DNM2: variants seen among roughly 807,000 people sequenced by gnomAD.
The protein encoded by DNM2 is dynamin 2.
Under a neutral mutation model 99.0 loss-of-function variants are expected in DNM2, and 15 were observed. The ratio of observed to expected loss-of-function variants is 0.15; its 90% confidence interval spans 0.10 to 0.23. The LOEUF (loss-of-function observed/expected upper bound fraction) is 0.23. Among genes scored for constraint, DNM2 ranks in the 10% least tolerant of loss-of-function variants. The pLI, the probability that DNM2 is intolerant of heterozygous loss-of-function variation, is 1.00. For missense variants in DNM2, 742 were observed against 1,189.4 expected, an observed-to-expected ratio of 0.62 and a Z score of 5.53; for synonymous variants, 525 against 481.2, an observed-to-expected ratio of 1.09 and a Z score of -1.19.
chr19:10,827,448 C>T (rs796642566), intron 18 of DNM2, among the ~76,000 whole-genome samples: 3 of 151,932 alleles, frequency 2.0e-5, no homozygotes, highest in African/African-American at 2.4e-5. Flanking sequence ...ATAAATCTGT[C>T]GGCCCAGCTA....
intron 1 of DNM2, among the ~76,000 whole-genome samples, chr19:10,739,305 C>G (rs778786252): frequency 2.0e-5 from 3 of 152,132 alleles, no homozygotes; most frequent in African/African-American, 4.8e-5. Flanking sequence ...ATACCTAATC[C>G]TTTTGAAATA....
rs2072855235 is a variant in DNM2 at position 10,818,557 on chromosome 19, G to A, written c.1672-1423G>A. Among the ~76,000 whole-genome samples the A allele has an allele frequency of 1.3e-5, 2 of 152,240 alleles. No homozygotes were observed. The highest frequency in any genetic ancestry group is 1.3e-4 in the Admixed American group (2 of 15,284). ...TGAGCTCCTAACGCCCTGAGGCTGA[G>A]CCCATGTGCCAAGCCCACTGCTTCA... On this transcript the variant is annotated intron_variant, in intron 15 of 20. Transcript: ENST00000389253. The surrounding 1 kb of genome is among the most constrained non-coding windows in gnomAD (Gnocchi z 4.3).
rs569315125 is a variant in DNM2 at position 10,777,231 on chromosome 19, G to C, written c.688+15G>C. The C allele has an allele frequency of 5.6e-6, 9 of 1,613,700 alleles. No individual in the cohort carries two copies. The South Asian group carries it at 8.8e-5, about 16-fold the overall frequency. On this transcript the variant is annotated intron_variant, in intron 5 of 20. Transcript: ENST00000389253. ...GTTGAGAAGAGGTGTGGCTTTGGGG[G>C]TGCTGGGGAAGCAGGAGGATGGGTG...
At chr19:10,827,304 T>C (rs1249280050) in intron 18 of DNM2, among the ~76,000 whole-genome samples, 1 of 152,204 alleles carries the variant, frequency 6.6e-6, no homozygotes, top group African/African-American at 2.4e-5. Flanking sequence ...AGAGAGACAA[T>C]TGCCCACGTG....
At chr19:10,761,558 G>A (rs1349469501) in intron 2 of DNM2, among the ~76,000 whole-genome samples, 1 of 152,092 alleles carries the variant, frequency 6.6e-6, no homozygotes, top group Non-Finnish European at 1.5e-5. Context: ...AGCTCTGGGC[G>A]TTCAACACTC....
At chr19:10,777,974 G>C (rs950672086) in intron 5 of DNM2, among the ~76,000 whole-genome samples, 4 of 151,256 alleles carry the variant, frequency 2.6e-5, no homozygotes, top group African/African-American at 7.3e-5. Context: ...CCCAGCTTCG[G>C]TGGTTATTAT....
At position 10,820,842 on chromosome 19, in the gene DNM2, G is replaced by A. The variant is rs1008147955; in HGVS notation, c.1781+753G>A. 6.6e-6 allele frequency among the ~76,000 whole-genome samples: 1 copy of A among 152,224 alleles called. No homozygotes were observed. Among genetic ancestry groups the A allele is most frequent in the Non-Finnish European group, 1.5e-5 (1 of 68,028 alleles). ...CCAGATGAGCTCCCAGGAGAGTGAA[G>A]CTGGAGAATGGGAGGCCCCAGGAAG... On this transcript the variant is annotated intron_variant, in intron 16 of 20. Coordinates refer to ENST00000389253, the MANE Select transcript of DNM2 (RefSeq NM_001005361.3). The surrounding 1 kb of genome is among the most constrained non-coding windows in gnomAD (Gnocchi z 4.3).
chr19:10,745,198 C>T (rs1312332244), intron 1 of DNM2, among the ~76,000 whole-genome samples: 3 of 152,196 alleles, frequency 2.0e-5, no homozygotes, highest in Admixed American at 6.5e-5. Flanking sequence ...GTCCGTGCAT[C>T]GCACTTGACC....
intron 11 of DNM2, 41 bp downstream of exon 11, chr19:10,798,613 G>C (rs756161819): frequency 1.2e-5 from 19 of 1,598,382 alleles, no homozygotes; most frequent in Non-Finnish European, 1.5e-5. Flanking sequence ...TAATTTACAT[G>C]CAGTAAATGT....
chr19:10,827,900 C>T (rs2073196601), intron 18 of DNM2, among the ~76,000 whole-genome samples: 1 of 151,796 alleles, frequency 6.6e-6, no homozygotes, highest in African/African-American at 2.4e-5. Flanking sequence ...AACTGAAAAA[C>T]TTCTGTATCC....
rs144821458 is a variant in DNM2 at position 10,724,051 on chromosome 19, T to C, written c.161+5648T>C. On this transcript the variant is annotated intron_variant, in intron 1 of 20. Transcript: ENST00000389253. ...GTGAGCTCTGATCACGCTACTGCCT[T>C]CCAGCCTGGGCGGAAGAACGAGACC... 7.2e-4 allele frequency among the ~76,000 whole-genome samples: 106 copies of C among 146,918 alleles called. 1 individual carries two copies. Among genetic ancestry groups the C allele is most frequent in the African/African-American group, 2.5e-3 (100 of 39,264 alleles).
chr19:10,729,949 A>T (rs1479999025), intron 1 of DNM2, among the ~76,000 whole-genome samples: 1 of 151,280 alleles, frequency 6.6e-6, no homozygotes, highest in Non-Finnish European at 1.5e-5. Context: ...TGCAGCCTTG[A>T]CATCCTGTGC....
chr19:10,722,023 C>G (rs1435981927), intron 1 of DNM2, among the ~76,000 whole-genome samples: 1 of 152,136 alleles, frequency 6.6e-6, no homozygotes, highest in Non-Finnish European at 1.5e-5. Context: ...CCTCAGATTC[C>G]TTTTCTGTAA....
At chr19:10,821,205 A>G (rs1358657900) in intron 16 of DNM2, among the ~76,000 whole-genome samples, 2 of 152,120 alleles carry the variant, frequency 1.3e-5, no homozygotes, top group Admixed American at 6.6e-5. Flanking sequence ...GCTGGCCGTG[A>G]AAACCTTCAT....
chr19:10,783,711 T>TTTA (rs979481440), intron 6 of DNM2, among the ~76,000 whole-genome samples: 1 of 150,482 alleles, frequency 6.6e-6, no homozygotes, highest in African/African-American at 2.4e-5. Context: ...TATTATTTTT[T>TTTA]ATTTTTGGAG....
rs772435526 is a variant in DNM2, at chr19:10,820,117, C to T, written c.1781+28C>T. 3 of 1,609,900 alleles carry T rather than the reference C, an allele frequency of 1.9e-6. No homozygotes were observed. ...GAGGGGCCCAGGGGCCTGGGGATGG[C>T]TCGGGGTGAAGACCAATGGCCTCAT... On this transcript the variant is annotated intron_variant, in intron 16 of 20. Transcript: ENST00000389253. This position sits in a 1 kb window ranked among gnomAD's most constrained non-coding sequence, Gnocchi z 4.3.
At chr19:10,798,282 T>G (rs2072009894) in intron 10 of DNM2, 1 of 598,306 alleles carries the variant, frequency 1.7e-6, no homozygotes, top group Non-Finnish European at 3.0e-6. Context: ...TCTGCTCTCC[T>G]GCTGTCTCCG....
At chr19:10,754,803 G>C (rs1207037668) in intron 1 of DNM2, among the ~76,000 whole-genome samples, 1 of 151,860 alleles carries the variant, frequency 6.6e-6, no homozygotes, top group African/African-American at 2.4e-5. Flanking sequence ...TGTTGCCCAG[G>C]CTGGTCTCGA....
At chr19:10,826,886 C>CA (rs889888279) in intron 18 of DNM2, among the ~76,000 whole-genome samples, 4 of 150,636 alleles carry the variant, frequency 2.7e-5, no homozygotes, top group South Asian at 2.1e-4. Flanking sequence ...GAACCTCTTT[C>CA]AAAAAAAAAG....
Sources: allele counts gnomAD v4.1 joint callset (sites outside exome capture counted in the v4.1 genomes callset), GRCh38; gene constraint gnomAD v4.1.1; non-coding constraint Gnocchi (gnomAD v3.1); transcripts MANE v1.5; gene names NCBI Gene and HGNC (gene_info 2026-07-23, HGNC 2026-07-21).